Variants in LIMS1 observed in about 807,000 individuals in gnomAD.
LIMS1 encodes the protein LIM and senescent cell antigen-like-containing domain protein 1.
In LIMS1, 18 loss-of-function variants were observed where a neutral mutation model predicts 44.1. The observed-to-expected ratio is 0.41, with a 90% CI of 0.28 to 0.61. The LOEUF (loss-of-function observed/expected upper bound fraction) is 0.61, where lower values mean the gene tolerates loss of function less well. LIMS1 is among the 20% of genes least tolerant of loss of function. LIMS1 has a pLI of 0.32. For missense variants in LIMS1, 201 were observed against 422.0 expected (o/e 0.48, Z 4.59); for synonymous variants, 93 against 149.1 (o/e 0.62, Z 2.74).
chr2:108,646,036 C>T (rs1690040136), intron 1 of LIMS1, among the ~76,000 whole-genome samples: 1 of 152,126 alleles, frequency 6.6e-6, no homozygotes, highest in East Asian at 1.9e-4. Context: ...TAGACTCCCA[C>T]ACAATAATAG....
chr2:108,678,892 A>G (rs1284423547), intron 8 of LIMS1, among the ~76,000 whole-genome samples: 1 of 152,308 alleles, frequency 6.6e-6, no homozygotes, highest in Non-Finnish European at 1.5e-5. Flanking sequence ...CCTAAACAAC[A>G]TGGTGCATGG....
chr2:108,539,878 C>T (rs1684261453), intron 1 of LIMS1, among the ~76,000 whole-genome samples: 1 of 152,030 alleles, frequency 6.6e-6, no homozygotes, highest in African/African-American at 2.4e-5. Context: ...CCTGTCCTTC[C>T]CTCCCTATAG....
At chr2:108,661,276 T>A (rs1234600357) in intron 2 of LIMS1, among the ~76,000 whole-genome samples, 1 of 150,914 alleles carries the variant, frequency 6.6e-6, no homozygotes, top group Non-Finnish European at 1.5e-5. Flanking sequence ...AAACACACAT[T>A]CCCAACAACA....
chr2:108,622,430 G>A (rs1688299325), intron 1 of LIMS1, among the ~76,000 whole-genome samples: 1 of 152,134 alleles, frequency 6.6e-6, no homozygotes, highest in Non-Finnish European at 1.5e-5. Flanking sequence ...GTCACAGACA[G>A]CTATACTACA....
At chr2:108,639,546 G>A (rs886475785) in intron 1 of LIMS1, among the ~76,000 whole-genome samples, 10 of 152,248 alleles carry the variant, frequency 6.6e-5, no homozygotes, top group Middle Eastern at 6.8e-3. Context: ...TCCACCTCCC[G>A]GGTTCAAGTG....
At chr2:108,626,800 A>T (rs1321060853) in intron 1 of LIMS1, among the ~76,000 whole-genome samples, 2 of 152,230 alleles carry the variant, frequency 1.3e-5, no homozygotes, top group African/African-American at 4.8e-5. Context: ...CAGAGTATAG[A>T]TCATGATTAT....
chr2:108,647,814 C>G (rs902228417), intron 1 of LIMS1, among the ~76,000 whole-genome samples: 1 of 152,114 alleles, frequency 6.6e-6, no homozygotes, highest in African/African-American at 2.4e-5. Context: ...GAATGTATCT[C>G]AAAATAATAA....
intron 2 of LIMS1, chr2:108,662,458 G>A: frequency 1.4e-6 from 2 of 1,395,744 alleles, no homozygotes; most frequent in Non-Finnish European, 1.9e-6. Flanking sequence ...TATTCCAAAA[G>A]ATGCGATGAA....
intron 1 of LIMS1, among the ~76,000 whole-genome samples, chr2:108,599,590 A>G (rs1157409986): frequency 1.3e-5 from 2 of 152,102 alleles, no homozygotes; most frequent in Non-Finnish European, 2.9e-5. Context: ...TAGTTTTTTG[A>G]AGAGCCTCCA....
At position 108,587,287 on chromosome 2, in the gene LIMS1, GGTTTGTGTGTGTGTGTGTGT is replaced by G. The variant is rs1169891682; in HGVS notation, c.32+52696_32+52715del. 1.7e-4 allele frequency among the ~76,000 whole-genome samples: 19 copies of G among 111,820 alleles called. 1 individual carries two copies. The South Asian group carries it at 5.9e-3, about 35-fold the overall frequency. 73.4% of individuals were successfully genotyped at this position (111,820 alleles called of 152,430 possible). ...CAAAAGTGATGAGTTGTTTTCTTGG[GGTTTGTGTGTGTGTGTGTGT>G]GTGTGTGTGTGTGTGTGTGTGTGTG... On this transcript the variant is annotated intron_variant, in intron 1 of 9. Coordinates refer to ENST00000544547, the Ensembl canonical transcript of LIMS1.
At chr2:108,558,005 A>G (rs1483922899) in intron 1 of LIMS1, among the ~76,000 whole-genome samples, 1 of 152,216 alleles carries the variant, frequency 6.6e-6, no homozygotes, top group Non-Finnish European at 1.5e-5. Flanking sequence ...AAAATACAAG[A>G]TCTCACAGTT....
chr2:108,629,749 G>C (rs939216199), intron 1 of LIMS1, among the ~76,000 whole-genome samples: 5 of 152,204 alleles, frequency 3.3e-5, no homozygotes, highest in Admixed American at 6.5e-5. Context: ...CCTGTGGATT[G>C]TGGTATGTGA....
chr2:108,676,457 G>T, intron 6 of LIMS1, 149 bp from the exon 7 acceptor site: 6 of 1,021,718 alleles, frequency 5.9e-6, no homozygotes, highest in Non-Finnish European at 8.5e-6. Context: ...AACTGCAGAA[G>T]TATTATATTA....
intron 1 of LIMS1, among the ~76,000 whole-genome samples, chr2:108,623,173 T>A (rs1222884112): frequency 6.6e-6 from 1 of 151,998 alleles, no homozygotes; most frequent in Non-Finnish European, 1.5e-5. Context: ...TATTCAGAAG[T>A]ATAGGTTAGC....
chr2:108,656,794 A>G (rs540287375), intron 1 of LIMS1, among the ~76,000 whole-genome samples: 36 of 125,514 alleles, frequency 2.9e-4, no homozygotes, highest in Admixed American at 3.4e-4. Flanking sequence ...GAAACAATCT[A>G]TATTATAATG....
At chr2:108,607,735 GT>G (rs767240345) in intron 1 of LIMS1, among the ~76,000 whole-genome samples, 12 of 152,072 alleles carry the variant, frequency 7.9e-5, no homozygotes, top group Non-Finnish European at 1.8e-4. Flanking sequence ...CTAGCATAAT[GT>G]TTTATGTCTT....
intron 1 of LIMS1, among the ~76,000 whole-genome samples, chr2:108,576,159 A>G (rs183311927): frequency 6.6e-6 from 1 of 152,364 alleles, no homozygotes; most frequent in Admixed American, 6.5e-5. Context: ...CTTTAAGATC[A>G]TCACCTTGAC....
At chr2:108,558,559 C>T (rs1167343688) in intron 1 of LIMS1, among the ~76,000 whole-genome samples, 1 of 152,000 alleles carries the variant, frequency 6.6e-6, no homozygotes, top group Non-Finnish European at 1.5e-5. Flanking sequence ...ACTGGCATTT[C>T]TCGTCTTTTG....
rs138336529 is a variant in LIMS1 at position 108,615,886 on chromosome 2, C to T, written c.33-43719C>T. ...TGATAGTTAAATGACTTCCTGTGTA[C>T]TTATAAGGTAGTCACAGCAAGGGAG... On this transcript the variant is annotated intron_variant, in intron 1 of 9. Coordinates refer to ENST00000544547, the Ensembl canonical transcript of LIMS1. Among the ~76,000 whole-genome samples the T allele has an allele frequency of 2.6e-5, 4 of 152,244 alleles. No homozygotes were observed. The East Asian group carries it at 7.7e-4, about 29-fold the overall frequency.
Sources: gnomAD v4.1 joint callset for allele counts (sites outside exome capture counted in the v4.1 genomes callset) on GRCh38, gnomAD v4.1.1 for gene constraint, MANE v1.5 for transcripts, NCBI Gene and HGNC (gene_info 2026-07-23, HGNC 2026-07-21) for gene names.